Variants in HIVEP1 observed in about 807,000 individuals in gnomAD.
HIVEP1 encodes HIVEP zinc finger 1, also known as zinc finger protein 40.
A neutral mutation model predicts 180.0 loss-of-function variants in HIVEP1; 36 were observed. The ratio of observed to expected loss-of-function variants is 0.20; its 90% confidence interval spans 0.15 to 0.26. HIVEP1 has a LOEUF of 0.26. Ranked by LOEUF, HIVEP1 falls within the 10% of genes least tolerant of loss-of-function variation. The pLI, the probability that HIVEP1 is intolerant of heterozygous loss-of-function variation, is 1.00. For missense variants in HIVEP1, 3,143 were observed against 3,268.7 expected (o/e 0.96, Z 0.94); for synonymous variants, 1,239 against 1,239.0 (o/e 1.00, Z 0.00).
chr6:12,105,292 C>T (rs929575177), intron 3 of HIVEP1, among the ~76,000 whole-genome samples: 16 of 152,174 alleles, frequency 1.1e-4, no homozygotes, highest in African/African-American at 3.6e-4. Flanking sequence ...ATGCGGACTC[C>T]ATGCATGGCA....
chr6:12,021,485 A>C (rs1768204393), intron 2 of HIVEP1, among the ~76,000 whole-genome samples: 1 of 152,066 alleles, frequency 6.6e-6, no homozygotes, highest in Admixed American at 6.6e-5. Flanking sequence ...CTTGTCAGAT[A>C]TCCTCCTCCC....
the HIVEP1 span, among the ~76,000 whole-genome samples, chr6:12,202,065 A>G: frequency 1.1e-3 from 163 of 152,348 alleles, no homozygotes; most frequent in Middle Eastern, 6.8e-3. Context: ...TCCTAAGAAT[A>G]AAATGAATTA....
chr6:12,081,667 A>C (rs1772795862), intron 2 of HIVEP1, among the ~76,000 whole-genome samples: 1 of 151,986 alleles, frequency 6.6e-6, no homozygotes, highest in African/African-American at 2.4e-5. Flanking sequence ...CTCTTCTTTT[A>C]TTGGCTCCTC....
chr6:12,163,670 G>A lies in HIVEP1; in HGVS notation c.7366G>A (p.Gly2456Arg). ...TEVSGTTNPA[G>R]VAELSSVVPC... ...AGTGTCTGGCACTACAAACCCTGCT[G>A]GAGTGGCTGAATTAAGCAGTGTTGT... Residue 2456 changes from glycine to arginine, a missense_variant, in exon 9 of 9, where the codon GGA becomes AGA. Gly to Arg is a moderately radical substitution (Grantham distance 125). Transcript: ENST00000379388. The A allele has an allele frequency of 6.2e-7, 1 of 1,614,130 alleles. No homozygotes were observed. The highest frequency in any genetic ancestry group is 8.5e-7 in the Non-Finnish European group (1 of 1,180,018).
chr6:12,083,497 A>G (rs1380840726), intron 2 of HIVEP1, among the ~76,000 whole-genome samples: 2 of 152,116 alleles, frequency 1.3e-5, no homozygotes, highest in Admixed American at 1.3e-4. Context: ...TGTGGAAAGC[A>G]AGCAAACAGA....
At chr6:12,024,746 G>A (rs552755312) in intron 2 of HIVEP1, among the ~76,000 whole-genome samples, 8 of 152,310 alleles carry the variant, frequency 5.3e-5, no homozygotes, top group African/African-American at 1.9e-4. Flanking sequence ...AAAATAAACT[G>A]GGCTGATACA....
intron 7 of HIVEP1, among the ~76,000 whole-genome samples, chr6:12,153,753 A>G (rs1314727576): frequency 1.3e-5 from 2 of 152,062 alleles, no homozygotes; most frequent in African/African-American, 4.8e-5. Context: ...ATCAGAAGAC[A>G]GAAGGTACTA....
chr6:12,161,959 C>A, intron 8 of HIVEP1, 30 bp downstream of exon 8: 1 of 1,562,768 alleles, frequency 6.4e-7, no homozygotes, highest in Non-Finnish European at 8.7e-7. Flanking sequence ...TCTTTTATTT[C>A]TTTTTTCGTT....
At position 12,135,850 on chromosome 6, in the gene HIVEP1, G is replaced by C. The variant is rs375943751; in HGVS notation, c.6445G>C (p.Val2149Leu). 1 of 1,611,870 alleles carries C rather than the reference G, an allele frequency of 6.2e-7. No homozygotes were observed. The highest frequency in any genetic ancestry group is 8.5e-7 in the Non-Finnish European group (1 of 1,178,216). ...TAGCAAGAAATGTGTGGATTTAGGC[G>C]TCTCAGTAGGTTTAATAGATGAACA... ...AHSKKCVDLG[V>L]SVGLIDEQDT... The change falls in exon 7 of 9, where the codon GTC becomes CTC. Residue 2149 changes from valine to leucine, a missense_variant. By Grantham distance (32) the Val-to-Leu change is conservative. This residue lies in a region of HIVEP1 where 126 missense variants were observed against 168.5 expected (regional missense o/e 0.75). Coordinates refer to ENST00000379388, the MANE Select transcript of HIVEP1 (RefSeq NM_002114.4).
chr6:12,040,059 A>G (rs1769570539), intron 2 of HIVEP1, among the ~76,000 whole-genome samples: 1 of 152,172 alleles, frequency 6.6e-6, no homozygotes, highest in South Asian at 2.1e-4. Flanking sequence ...AAGGTTTTCT[A>G]TAGATGGGCT....
chr6:12,050,389 T>A (rs991886784), intron 2 of HIVEP1, among the ~76,000 whole-genome samples: 7 of 152,020 alleles, frequency 4.6e-5, no homozygotes, highest in African/African-American at 4.8e-5. Flanking sequence ...ATCGAGACCA[T>A]CCTGGCTAAC....
At chr6:12,047,671 C>T (rs1770231470) in intron 2 of HIVEP1, among the ~76,000 whole-genome samples, 1 of 152,226 alleles carries the variant, frequency 6.6e-6, no homozygotes, top group South Asian at 2.1e-4. Context: ...CTTTCCCTCA[C>T]TCTGCTTTTG....
At chr6:12,041,370 C>T (rs1006091018) in intron 2 of HIVEP1, among the ~76,000 whole-genome samples, 4 of 138,686 alleles carry the variant, frequency 2.9e-5, no homozygotes, top group South Asian at 2.4e-4. Flanking sequence ...TGTAGTGAGC[C>T]GAGATCCCGC....
intron 7 of HIVEP1, among the ~76,000 whole-genome samples, chr6:12,146,089 C>G (rs1462528678): frequency 6.6e-6 from 1 of 152,168 alleles, no homozygotes; most frequent in Non-Finnish European, 1.5e-5. Flanking sequence ...ACAGTATAAT[C>G]TGTTCTTGGC....
chr6:12,111,611 C>G (rs1374670597), intron 3 of HIVEP1, among the ~76,000 whole-genome samples: 3 of 152,226 alleles, frequency 2.0e-5, no homozygotes, highest in Non-Finnish European at 4.4e-5. Context: ...CTACCATGTT[C>G]TTTGGACGGG....
chr6:12,163,342 G>A lies in HIVEP1; in HGVS notation c.7038G>A (p.Ala2346=), dbSNP rs61731759. 9,113 of 1,614,102 alleles carry A rather than the reference G, an allele frequency of 5.6e-3. 712 individuals are homozygous for A. In the Admixed American group the frequency reaches 0.14, roughly 24 times the overall value. Residue 2346 remains alanine, a synonymous_variant, in exon 9 of 9, where the codon GCG becomes GCA. Transcript: ENST00000379388. ...AAAEHSPQTA[A]GMPSVASPHP... The stretch of plus-strand genomic sequence containing the variant: ...CTGAGCACAGCCCCCAGACAGCAGC[G>A]GGGATGCCTTCTGTGGCCTCACCAC...
At chr6:12,167,647 A>ATGTTATATATACATATACG (rs1562023646), downstream of HIVEP1, among the ~76,000 whole-genome samples, 3 of 95,266 alleles carry the variant, frequency 3.1e-5, no homozygotes, top group East Asian at 2.5e-4. Context: ...ATACATATAC[A>ATGTTATATATACATATACG]TATATATGTT....
intron 2 of HIVEP1, among the ~76,000 whole-genome samples, chr6:12,024,249 A>AT (rs201215779): frequency 0.019 from 2,615 of 134,882 alleles, 49 homozygotes; most frequent in African/African-American, 0.056. Context: ...ATTGATTTTG[A>AT]TTTTTTTTTT....
intron 7 of HIVEP1, among the ~76,000 whole-genome samples, chr6:12,159,664 A>C (rs1038248462): frequency 6.6e-6 from 1 of 152,218 alleles, no homozygotes; most frequent in Non-Finnish European, 1.5e-5. Flanking sequence ...CCCAGAAATC[A>C]CACATTCTGT....
Sources: allele counts gnomAD v4.1 joint callset (sites outside exome capture counted in the v4.1 genomes callset), GRCh38; gene constraint gnomAD v4.1.1; regional missense constraint gnomAD v4.1.1; transcripts MANE v1.5; gene names NCBI Gene and HGNC (gene_info 2026-07-23, HGNC 2026-07-21).